The following PCSK5 variants were observed in gnomAD, a reference collection of about 807,000 sequenced individuals.
PCSK5 encodes proprotein convertase subtilisin/kexin type 5.
A neutral mutation model predicts 233.2 loss-of-function variants in PCSK5; 129 were observed. The ratio of observed to expected loss-of-function variants is 0.55; its 90% CI spans 0.48 to 0.64. PCSK5 has a LOEUF of 0.64. PCSK5 is among the 30% of genes least tolerant of loss of function. The pLI is 0.00. For synonymous variants in PCSK5, 825 were observed against 879.2 expected (o/e 0.94, Z 1.09); for missense variants, 2,076 against 2,430.1 (o/e 0.85, Z 3.06).
intron 3 of PCSK5, among the ~76,000 whole-genome samples, chr9:75,988,058 G>A (rs1826600223): frequency 6.6e-6 from 1 of 152,188 alleles, no homozygotes; most frequent in Non-Finnish European, 1.5e-5. Flanking sequence ...GTGGCTGAAG[G>A]TTTCAGTGCC....
intron 20 of PCSK5, among the ~76,000 whole-genome samples, chr9:76,213,299 A>G (rs1305888313): frequency 6.6e-6 from 1 of 152,240 alleles, no homozygotes; most frequent in African/African-American, 2.4e-5. Flanking sequence ...AAGTTTTCCA[A>G]AAATGGAAGA....
At chr9:76,129,729 T>A (rs976191195) in intron 9 of PCSK5, among the ~76,000 whole-genome samples, 117 of 152,248 alleles carry the variant, frequency 7.7e-4, no homozygotes, top group African/African-American at 2.7e-3. Context: ...TTTTTCTTTT[T>A]TAATTGAAGT....
At chr9:76,097,246 CT>C (rs71372046) in intron 8 of PCSK5, among the ~76,000 whole-genome samples, 15 of 67,338 alleles carry the variant, frequency 2.2e-4, no homozygotes, top group African/African-American at 4.5e-4. Flanking sequence ...AAGTGCATTT[CT>C]TTTTTTTTTT....
intron 15 of PCSK5, among the ~76,000 whole-genome samples, chr9:76,179,918 T>C (rs1167682185): frequency 6.6e-6 from 1 of 151,924 alleles, no homozygotes; most frequent in African/African-American, 2.4e-5. Flanking sequence ...AAAATGTGCA[T>C]GTATGCTGTG....
At chr9:75,956,588 A>G (rs1340503) in intron 2 of PCSK5, among the ~76,000 whole-genome samples, 43,912 of 152,086 alleles carry the variant, frequency 0.29, 6,454 homozygotes, top group East Asian at 0.34. Context: ...ACAGAAGTAG[A>G]GTGACTCAAA....
intron 31 of PCSK5, among the ~76,000 whole-genome samples, chr9:76,322,559 C>T (rs1272486057): frequency 1.3e-5 from 2 of 152,144 alleles, no homozygotes; most frequent in African/African-American, 4.8e-5. Context: ...AGAAAATGAA[C>T]ACAAAAAAAA....
At chr9:76,020,176 T>C (rs530899320) in intron 3 of PCSK5, among the ~76,000 whole-genome samples, 2 of 152,344 alleles carry the variant, frequency 1.3e-5, no homozygotes, top group East Asian at 3.9e-4. Flanking sequence ...TCATGGCTAA[T>C]ATGTGTTCCG....
At chr9:76,295,691 T>C (rs1472257109) in intron 26 of PCSK5, among the ~76,000 whole-genome samples, 1 of 152,198 alleles carries the variant, frequency 6.6e-6, no homozygotes, top group African/African-American at 2.4e-5. Context: ...AGTGGGGACC[T>C]GAAGATGAAT....
chr9:76,255,584 G>T (rs192501705), intron 24 of PCSK5, among the ~76,000 whole-genome samples: 1 of 152,182 alleles, frequency 6.6e-6, no homozygotes, highest in Non-Finnish European at 1.5e-5. Flanking sequence ...ACTTTGGGCA[G>T]TTAAGGTGGC....
chr9:75,921,814 T>C (rs935152013), intron 1 of PCSK5, among the ~76,000 whole-genome samples: 1 of 152,164 alleles, frequency 6.6e-6, no homozygotes, highest in Non-Finnish European at 1.5e-5. Context: ...AAAAATGGAT[T>C]GAAGAAAATA....
At chr9:75,988,537 C>T (rs1039873443) in intron 3 of PCSK5, among the ~76,000 whole-genome samples, 1 of 152,046 alleles carries the variant, frequency 6.6e-6, no homozygotes, top group African/African-American at 2.4e-5. Context: ...CCACGTTAGC[C>T]TCCTAAATAG....
intron 20 of PCSK5, among the ~76,000 whole-genome samples, chr9:76,219,520 G>T (rs1825653174): frequency 6.6e-6 from 1 of 152,174 alleles, no homozygotes; most frequent in Non-Finnish European, 1.5e-5. Flanking sequence ...AGGACTTGGG[G>T]CTTTAACTCT....
At chr9:75,902,229 A>G (rs1467709175) in intron 1 of PCSK5, among the ~76,000 whole-genome samples, 13 of 121,802 alleles carry the variant, frequency 1.1e-4, no homozygotes, top group Non-Finnish European at 2.2e-4. Context: ...AAAAAAAAAA[A>G]AAAAAAAAAA....
chr9:76,225,321 A>G (rs1294748873), intron 20 of PCSK5, among the ~76,000 whole-genome samples: 5 of 152,240 alleles, frequency 3.3e-5, no homozygotes, highest in Non-Finnish European at 7.3e-5. Flanking sequence ...ATATATCCAT[A>G]AAATGAATGA....
At chr9:76,173,306 T>C (rs1207617676) in intron 13 of PCSK5, among the ~76,000 whole-genome samples, 1 of 152,062 alleles carries the variant, frequency 6.6e-6, no homozygotes, top group Non-Finnish European at 1.5e-5. Context: ...ATCCGTCACT[T>C]TCTGAGCTAG....
intron 2 of PCSK5, among the ~76,000 whole-genome samples, chr9:75,941,069 G>A (rs1458395827): frequency 6.6e-6 from 1 of 152,178 alleles, no homozygotes; most frequent in African/African-American, 2.4e-5. Context: ...AGTTTCACCT[G>A]GAGTTCAAGT....
intron 24 of PCSK5, among the ~76,000 whole-genome samples, chr9:76,282,310 CTTTCTTTCTT>C (rs1362941024): frequency 1.4e-5 from 2 of 146,182 alleles, no homozygotes; most frequent in Non-Finnish European, 3.0e-5. Flanking sequence ...CCAATTTTTT[CTTTCTTTCTT>C]TTTCTTTCTT....
chr9:76,045,277 G>A (rs1210345450), intron 5 of PCSK5, among the ~76,000 whole-genome samples: 3 of 152,116 alleles, frequency 2.0e-5, no homozygotes, highest in Non-Finnish European at 4.4e-5. Context: ...GTGTGTTTTC[G>A]GAGATTAGAC....
At chr9:76,321,709 G>A in intron 31 of PCSK5, 70 bp downstream of exon 31, 2 of 965,278 alleles carry the variant, frequency 2.1e-6, no homozygotes, top group Non-Finnish European at 3.2e-6. Context: ...TTATCTGAGG[G>A]TGGATGGCAA....
Sources: allele counts gnomAD v4.1 joint callset (sites outside exome capture counted in the v4.1 genomes callset), GRCh38; gene constraint gnomAD v4.1.1; transcripts MANE v1.5; gene names NCBI Gene and HGNC (gene_info 2026-07-23, HGNC 2026-07-21).